HOXC6: variants seen among roughly 807,000 people sequenced by gnomAD.
HOXC6 encodes the protein homeobox C6.
In HOXC6, 10 loss-of-function variants were observed where a neutral mutation model predicts 24.0. The ratio of observed to expected loss-of-function variants is 0.42; its 90% CI spans 0.26 to 0.71. HOXC6 has a LOEUF of 0.71. Among genes scored for constraint, HOXC6 ranks in the 30% least tolerant of loss-of-function variants. The pLI, the probability that HOXC6 is intolerant of heterozygous loss-of-function variation, is 0.28. For synonymous variants in HOXC6, 123 were observed against 128.1 expected (o/e 0.96, Z 0.27); for missense variants, 258 against 303.4 (o/e 0.85, Z 1.11).
At chr12:54,016,986 A>T (rs1486423481) in exon 1 of HOXC6, 4 of 151,986 alleles carry the variant, frequency 2.6e-5, no homozygotes, top group African/African-American at 9.6e-5. Flanking sequence ...AATCTGATTA[A>T]TAATTATTTT....
chr12:54,026,050 T>A (rs556608172), upstream of HOXC6, among the ~76,000 whole-genome samples: 5 of 152,322 alleles, frequency 3.3e-5, no homozygotes, highest in South Asian at 1.0e-3. Context: ...TGTTGTACAT[T>A]GCAACAATTT....
intron 1 of HOXC6, among the ~76,000 whole-genome samples, chr12:54,018,639 C>T (rs1940277566): frequency 6.6e-6 from 1 of 152,228 alleles, no homozygotes; most frequent in Non-Finnish European, 1.5e-5. Flanking sequence ...TGATATATGA[C>T]CCCGCCCTGC....
intron 1 of HOXC6, among the ~76,000 whole-genome samples, 171 bp downstream of exon 1, chr12:54,029,092 C>G (rs1015089034): frequency 1.3e-5 from 2 of 151,816 alleles, no homozygotes; most frequent in Non-Finnish European, 2.9e-5. Context: ...GCCTCTCGCT[C>G]GCTTGCAGGG....
At chr12:54,026,986 T>C (rs890135126), upstream of HOXC6, among the ~76,000 whole-genome samples, 2 of 151,502 alleles carry the variant, frequency 1.3e-5, no homozygotes, top group Non-Finnish European at 2.9e-5. Context: ...GATATGAGCT[T>C]TCTCTGCTCC....
chr12:54,021,708 C>T (rs1322688851), intron 1 of HOXC6: 1 of 152,292 alleles, frequency 6.6e-6, no homozygotes, highest in Non-Finnish European at 1.5e-5. Context: ...TTGGTCACCC[C>T]AGGCACTGGG....
Position 54,028,850 on chromosome 12 carries a change from G to A in HOXC6, c.329G>A (p.Arg110Lys). 1.2e-6 allele frequency: 2 copies of A among 1,614,114 alleles called. No individual in the cohort carries two copies. Among genetic ancestry groups the A allele is most frequent in the Non-Finnish European group, 1.7e-6 (2 of 1,180,046 alleles). Reference protein sequence around the residue: ...IAQDFSSEQGRTAPQDQKASI... With the variant: ...IAQDFSSEQGKTAPQDQKASI... The stretch of plus-strand genomic sequence containing the variant: ...CAGGATTTTAGTTCTGAGCAGGGCA[G>A]GACTGCGCCCCAGGACCAGAAAGCC... Residue 110 changes from arginine to lysine, a missense_variant, in exon 1 of 2, where the codon AGG becomes AAG. By Grantham distance (26) the Arg-to-Lys change is conservative (BLOSUM62 2). Coordinates refer to ENST00000243108, the MANE Select transcript of HOXC6 (RefSeq NM_004503.4).
chr12:54,020,755 G>C (rs1940398046), intron 1 of HOXC6: 1 of 152,208 alleles, frequency 6.6e-6, no homozygotes, highest in African/African-American at 2.4e-5. Context: ...TGCTCTGCTG[G>C]AAATATGTGC....
chr12:54,026,245 G>T (rs1940692116), upstream of HOXC6, among the ~76,000 whole-genome samples: 1 of 152,088 alleles, frequency 6.6e-6, no homozygotes, highest in Admixed American at 6.5e-5. Context: ...GCACTGACTT[G>T]TTCCCTAGCT....
Position 54,028,732 on chromosome 12 carries a change from G to A in HOXC6, c.211G>A (p.Asp71Asn), listed in dbSNP as rs1008121274. 3 of 1,614,020 alleles carry A rather than the reference G, an allele frequency of 1.9e-6. No individual in the cohort carries two copies. Among genetic ancestry groups the A allele is most frequent in the African/African-American group, 2.7e-5 (2 of 74,900 alleles). ...GTTCAGTTCCAGCCGGGGGCCGTAT[G>A]ACTATGGATCTAATTCCTTTTACCA... ...VVFSSSRGPYDYGSNSFYQEK... is the reference protein window; with the variant it reads ...VVFSSSRGPYNYGSNSFYQEK... Residue 71 changes from aspartate to asparagine, a missense_variant, in exon 1 of 2, where the codon GAC becomes AAC. Physicochemically the swap from Asp to Asn is conservative, Grantham distance 23. Coordinates refer to ENST00000243108, the MANE Select transcript of HOXC6 (RefSeq NM_004503.4).
At chr12:54,028,158 T>A (rs1940805024), upstream of HOXC6, among the ~76,000 whole-genome samples, 3 of 152,068 alleles carry the variant, frequency 2.0e-5, no homozygotes, top group African/African-American at 7.2e-5. Flanking sequence ...GCTGAGAGAT[T>A]TCCTGGTAGT....
chr12:54,025,939 C>T (rs1386506652), upstream of HOXC6, among the ~76,000 whole-genome samples: 2 of 152,134 alleles, frequency 1.3e-5, no homozygotes, highest in Non-Finnish European at 2.9e-5. Context: ...AGGTCCTTCC[C>T]TCCCCCACCC....
Position 54,018,892 on chromosome 12 carries a change from G to T in HOXC6, c.-193+1478G>T, listed in dbSNP as rs917200651. On this transcript the variant is annotated intron_variant, in intron 1 of 2. Coordinates refer to the HOXC6 transcript ENST00000394331. Reference sequence around the variant, plus strand: ...CTGGGATTCTGCGCCAAGTCCCAGTGGGGGAGGGGATCGCTCCACGATTTC... The same window carrying T: ...CTGGGATTCTGCGCCAAGTCCCAGTTGGGGAGGGGATCGCTCCACGATTTC... Among the ~76,000 whole-genome samples, 3 of 152,154 alleles carry T rather than the reference G, an allele frequency of 2.0e-5. No individual in the cohort carries two copies. The South Asian group carries it at 6.2e-4, about 32-fold the overall frequency.
intron 1 of HOXC6, 113 bp downstream of exon 1, chr12:54,029,034 G>C: frequency 9.6e-7 from 1 of 1,038,042 alleles, no homozygotes; most frequent in Non-Finnish European, 1.4e-6. Flanking sequence ...AAACAATCAC[G>C]CTCGTCTCCT....
chr12:54,018,485 C>T (rs1940267863), intron 1 of HOXC6, among the ~76,000 whole-genome samples: 1 of 152,164 alleles, frequency 6.6e-6, no homozygotes, highest in African/African-American at 2.4e-5. Flanking sequence ...CAGCCTGGGG[C>T]GGCGGGAGGG....
intron 1 of HOXC6, among the ~76,000 whole-genome samples, chr12:54,018,392 GC>G (rs1240041733): frequency 6.6e-6 from 1 of 152,212 alleles, no homozygotes; most frequent in Non-Finnish European, 1.5e-5. Context: ...GCGGGGACAG[GC>G]CCAGTCCTCC....
In HOXC6 at chr12:54,030,589, G is replaced by A. The variant is rs1210081490; in HGVS notation, c.*627G>A. 6.6e-6 allele frequency: 1 copy of A among 152,532 alleles called. No homozygotes were observed. The allele number at this position is 152,532 out of a possible 1,614,324, so 9.4% of individuals were successfully genotyped here. On this transcript the variant is annotated 3_prime_UTR_variant, in exon 2 of 2. Coordinates refer to ENST00000243108, the MANE Select transcript of HOXC6 (RefSeq NM_004503.4). ...TGTGAAGATTTTTAGCTGTATTTGT[G>A]GTCTCTGTATTTATATTTATGTTTA...
intron 1 of HOXC6, 70 bp from the exon 2 acceptor site, chr12:54,029,585 G>T (rs746274640): frequency 6.6e-7 from 1 of 1,517,884 alleles, no homozygotes; most frequent in South Asian, 1.2e-5. Context: ...TCAGGACTTT[G>T]CTAGGCGAAA....
chr12:54,029,508 G>C (rs1452305107), intron 1 of HOXC6, 147 bp from the exon 2 acceptor site: 1 of 756,886 alleles, frequency 1.3e-6, no homozygotes, highest in South Asian at 2.0e-5. Context: ...AGTGGGGGTG[G>C]GGCAAGGCAA....
upstream of HOXC6, among the ~76,000 whole-genome samples, chr12:54,027,126 A>G (rs1009174829): frequency 9.9e-5 from 15 of 152,234 alleles, no homozygotes; most frequent in Admixed American, 9.8e-4. Context: ...CAGTTCGCCT[A>G]CTGCGGCTCC....
Sources: gnomAD v4.1 joint callset for allele counts (sites outside exome capture counted in the v4.1 genomes callset) on GRCh38, gnomAD v4.1.1 for gene constraint, MANE v1.5 for transcripts, NCBI Gene and HGNC (gene_info 2026-07-23, HGNC 2026-07-21) for gene names.